GCGR: variants seen among roughly 807,000 people sequenced by gnomAD.
GCGR encodes the protein glucagon receptor.
GCGR carries 41 observed loss-of-function variants against 56.1 expected under a neutral mutation model. The ratio of observed to expected loss-of-function variants is 0.73; its 90% CI spans 0.57 to 0.95. The LOEUF is 0.95. Among genes scored for constraint, GCGR ranks in the 40% least tolerant of loss-of-function variants. The pLI, the probability that GCGR is intolerant of heterozygous loss-of-function variation, is 0.00. For synonymous variants in GCGR, 278 were observed against 271.1 expected, an observed-to-expected ratio of 1.03 and a Z score of -0.25; for missense variants, 595 against 638.2, an observed-to-expected ratio of 0.93 and a Z score of 0.73.
At position 81,811,400 on chromosome 17, in the gene GCGR, A is replaced by C. The variant is rs777028328; in HGVS notation, c.501-4A>C. Reference sequence around the variant, plus strand: ...GGACGGGCGCTGACTGGCTGTGCCCACAGCAAGCTGCACTGCACCCGCAAT... The same window carrying C: ...GGACGGGCGCTGACTGGCTGTGCCCCCAGCAAGCTGCACTGCACCCGCAAT... On this transcript the variant is annotated splice_polypyrimidine_tract_variant and splice_region_variant and intron_variant, in intron 6 of 13. Coordinates refer to ENST00000400723, the MANE Select transcript of GCGR (RefSeq NM_000160.5). This position sits in a 1 kb window ranked among gnomAD's most constrained non-coding sequence, Gnocchi z 5.8. 4.8e-5 allele frequency: 73 copies of C among 1,536,210 alleles called. 2 individuals are homozygous for C. The South Asian group carries it at 6.8e-4, about 14-fold the overall frequency.
chr17:81,809,944 C>T (rs972186244), intron 3 of GCGR, 60 bp downstream of exon 3: 12 of 1,298,872 alleles, frequency 9.2e-6, no homozygotes, highest in Non-Finnish European at 1.2e-5. Context: ...CCTGAGTTCT[C>T]TTCATGGGAA....
rs1269141914 is a variant in GCGR at position 81,811,139 on chromosome 17, G to A, written c.393+8G>A. 6.5e-7 allele frequency: 1 copy of A among 1,536,200 alleles called. No homozygotes were observed. Among genetic ancestry groups the A allele is most frequent in the South Asian group, 1.2e-5 (1 of 84,052 alleles). ...GAGGAGATTGAGGTCCAGGTCAGTG[G>A]GCGGCAGGCAGGCGCGGTGGGGCTG... On this transcript the variant is annotated splice_region_variant and intron_variant, in intron 5 of 13. Transcript: ENST00000400723. This position sits in a 1 kb window ranked among gnomAD's most constrained non-coding sequence, Gnocchi z 5.8.
rs2038016373 is a variant in GCGR, at chr17:81,808,922, C to G, written c.-97C>G. The G allele has an allele frequency of 1.4e-6, 2 of 1,443,390 alleles. No individual in the cohort carries two copies. The highest frequency in any genetic ancestry group is 2.5e-5 in the East Asian group (1 of 40,430). The allele number at this position is 1,443,390 out of a possible 1,614,324, so 89.4% of individuals were successfully genotyped here. A position where few individuals can be genotyped will look rare whatever the true frequency, so the allele number is the denominator to read the frequency against. Reference sequence around the variant, plus strand: ...CCCCAGGCTCTGCTGCTCTGCCACTCAGCTGCCCTCGGAGGAGCGTACACA... The same window carrying G: ...CCCCAGGCTCTGCTGCTCTGCCACTGAGCTGCCCTCGGAGGAGCGTACACA... On this transcript the variant is annotated 5_prime_UTR_variant, in exon 2 of 14. Transcript: ENST00000400723.
Position 81,813,894 on chromosome 17 carries a change from A to T in GCGR, c.*205A>T. On this transcript the variant is annotated 3_prime_UTR_variant, in exon 14 of 14. Transcript: ENST00000400723. The surrounding 1 kb of genome is among the most constrained non-coding windows in gnomAD (Gnocchi z 5.3). ...TCCCTGGTGCAGAGGTGAGCAGAGG[A>T]GTCCAGGGCGGGAGTGGGGGCTGTG... The T allele has an allele frequency of 3.4e-6, 2 of 590,554 alleles. No individual in the cohort carries two copies. 36.6% of individuals were successfully genotyped at this position (590,554 alleles called of 1,614,324 possible).
chr17:81,810,811 A>G lies in GCGR; in HGVS notation c.164-14A>G. The G allele has an allele frequency of 6.5e-7, 1 of 1,535,748 alleles. No individual in the cohort carries two copies. Among genetic ancestry groups the G allele is most frequent in the African/African-American group, 1.4e-5 (1 of 73,006 alleles). ...GCCCTGCCCTGCTCTGCCCTGCCCT[A>G]CCCTACCCTGCAGAGCTGGTGTGCA... On this transcript the variant is annotated splice_polypyrimidine_tract_variant and intron_variant, in intron 3 of 13. Transcript: ENST00000400723. The surrounding 1 kb of genome is among the most constrained non-coding windows in gnomAD (Gnocchi z 4.6).
rs2038121621 is a variant in GCGR at position 81,812,428 on chromosome 17, G to C, written c.949-149G>C. 9.6e-7 allele frequency: 1 copy of C among 1,040,766 alleles called. No homozygotes were observed. The highest frequency in any genetic ancestry group is 1.4e-6 in the Non-Finnish European group (1 of 720,436). 64.5% of individuals were successfully genotyped at this position (1,040,766 alleles called of 1,614,324 possible). A position where few individuals can be genotyped will look rare whatever the true frequency, so the allele number is the denominator to read the frequency against. On this transcript the variant is annotated intron_variant, in intron 10 of 13. Coordinates refer to ENST00000400723, the MANE Select transcript of GCGR (RefSeq NM_000160.5). This position sits in a 1 kb window ranked among gnomAD's most constrained non-coding sequence, Gnocchi z 8.5. ...CACTGAGCCAGGCTGTTCCTCCCTG[G>C]CTGTGTGCCCACCAGCCCCAGGGCT...
rs1373142612 is a variant in GCGR, at chr17:81,810,549, G to A, written c.164-276G>A. Among the ~76,000 whole-genome samples, 1 of 152,126 alleles carries A rather than the reference G, an allele frequency of 6.6e-6. No homozygotes were observed. The highest frequency in any genetic ancestry group is 1.9e-4 in the East Asian group (1 of 5,192). ...GGTTTGGGGCACATTTGAGATGGGGGGTCTCCAAGGGAAGGTGTCCTGCAG... is the reference window on the plus strand; with the variant it reads ...GGTTTGGGGCACATTTGAGATGGGGAGTCTCCAAGGGAAGGTGTCCTGCAG... On this transcript the variant is annotated intron_variant, in intron 3 of 13. Transcript: ENST00000400723. The surrounding 1 kb of genome is among the most constrained non-coding windows in gnomAD (Gnocchi z 4.6).
rs2038155616 is a variant in GCGR at position 81,813,721 on chromosome 17, CTG to C, written c.*33_*34del. Reference sequence around the variant, plus strand: ...CTGGGACCCCAGCTAGGGCTGGACTCTGGCACCCAGAGGGCGTCGCTGGACAA... The same window carrying C: ...CTGGGACCCCAGCTAGGGCTGGACTCGCACCCAGAGGGCGTCGCTGGACAA... On this transcript the variant is annotated 3_prime_UTR_variant, in exon 14 of 14. Transcript: ENST00000400723. This position sits in a 1 kb window ranked among gnomAD's most constrained non-coding sequence, Gnocchi z 5.3. 1 of 1,525,592 alleles carries C rather than the reference CTG, an allele frequency of 6.6e-7. No individual in the cohort carries two copies. Among genetic ancestry groups the C allele is most frequent in the African/African-American group, 1.4e-5 (1 of 72,732 alleles). The allele number at this position is 1,525,592 out of a possible 1,614,324, so 94.5% of individuals were successfully genotyped here. A position where few individuals can be genotyped will look rare whatever the true frequency, so the allele number is the denominator to read the frequency against.
chr17:81,809,219 T>G, intron 2 of GCGR, 141 bp downstream of exon 2: 1 of 1,002,004 alleles, frequency 1.0e-6, no homozygotes, highest in Non-Finnish European at 1.5e-6. Context: ...CATCTGCCTG[T>G]CTGTCTGCCT....
rs2038070940 is a variant in GCGR at position 81,810,548 on chromosome 17, G to T, written c.164-277G>T. 6.6e-6 allele frequency among the ~76,000 whole-genome samples: 1 copy of T among 152,142 alleles called. No individual in the cohort carries two copies. Among genetic ancestry groups the T allele is most frequent in the Non-Finnish European group, 1.5e-5 (1 of 68,012 alleles). On this transcript the variant is annotated intron_variant, in intron 3 of 13. Coordinates refer to ENST00000400723, the MANE Select transcript of GCGR (RefSeq NM_000160.5). The surrounding 1 kb of genome is among the most constrained non-coding windows in gnomAD (Gnocchi z 4.6). ...GGGTTTGGGGCACATTTGAGATGGG[G>T]GGTCTCCAAGGGAAGGTGTCCTGCA...
rs2038075578 is a variant in GCGR, at chr17:81,810,769, G to A, written c.164-56G>A. ...GAGAGGAGAGAGGCCTGCTGAGGGA[G>A]CCCCTTCTCCCACCCTGCCCTGCCC... On this transcript the variant is annotated intron_variant, in intron 3 of 13. Transcript: ENST00000400723. The surrounding 1 kb of genome is among the most constrained non-coding windows in gnomAD (Gnocchi z 4.6). 2.7e-6 allele frequency: 4 copies of A among 1,462,444 alleles called. No individual in the cohort carries two copies. The highest frequency in any genetic ancestry group is 2.8e-5 in the African/African-American group (2 of 71,320). 90.6% of individuals were successfully genotyped at this position (1,462,444 alleles called of 1,614,324 possible).
chr17:81,810,179 G>C lies in GCGR; in HGVS notation c.163+295G>C, dbSNP rs531331425. 3.6e-4 allele frequency: 176 copies of C among 490,612 alleles called. No individual in the cohort carries two copies. Among genetic ancestry groups the C allele is most frequent in the South Asian group, 2.3e-3 (114 of 49,570 alleles). The allele number at this position is 490,612 out of a possible 1,614,324, so 30.4% of individuals were successfully genotyped here. ...GATGGGTAATACCACCTACAGCCCC[G>C]TGGAGTTTTCAGTGGGCAGACAGTG... is the stretch of plus-strand genomic sequence containing the variant. On this transcript the variant is annotated intron_variant, in intron 3 of 13. Transcript: ENST00000400723. The surrounding 1 kb of genome is among the most constrained non-coding windows in gnomAD (Gnocchi z 4.6).
rs1325447916 is a variant in GCGR, at chr17:81,811,285, C to A, written c.457C>A (p.Leu153Met). 6.5e-7 allele frequency: 1 copy of A among 1,536,018 alleles called. No homozygotes were observed. Among genetic ancestry groups the A allele is most frequent in the South Asian group, 1.2e-5 (1 of 84,066 alleles). Reference sequence around the variant, plus strand: ...GTACACAGTGGGCTACAGCCTGTCCCTGGGGGCCCTGCTCCTCGCCTTGGC... The same window carrying A: ...GTACACAGTGGGCTACAGCCTGTCCATGGGGGCCCTGCTCCTCGCCTTGGC... ...VMYTVGYSLS[L>M]GALLLALAIL... The change falls in exon 6 of 14, where the codon CTG (leucine) becomes ATG (methionine). Residue 153 changes from leucine (L) to methionine (M), a missense_variant. Coordinates refer to ENST00000400723, the MANE Select transcript of GCGR (RefSeq NM_000160.5). This position sits in a 1 kb window ranked among gnomAD's most constrained non-coding sequence, Gnocchi z 5.8.
intron 1 of GCGR, among the ~76,000 whole-genome samples, chr17:81,805,983 G>A (rs905446246): frequency 6.6e-6 from 1 of 152,178 alleles, no homozygotes; most frequent in African/African-American, 2.4e-5. Flanking sequence ...AGGGCTGGGT[G>A]AGATCAACAG....
chr17:81,807,124 C>T lies in GCGR; in HGVS notation c.-177-1718C>T, dbSNP rs1164111910. On this transcript the variant is annotated intron_variant, in intron 1 of 13. Transcript: ENST00000400723. ...ATCAGGATCAGGGAAGATAAGGCCCCTTGCGTGACCCCAGAGCTGGGGACG... is the reference window on the plus strand; with the variant it reads ...ATCAGGATCAGGGAAGATAAGGCCCTTTGCGTGACCCCAGAGCTGGGGACG... 4.6e-5 allele frequency among the ~76,000 whole-genome samples: 7 copies of T among 152,282 alleles called. No individual in the cohort carries two copies. The South Asian group carries it at 1.5e-3, about 32-fold the overall frequency.
chr17:81,809,221 TG>T, intron 2 of GCGR, 143 bp downstream of exon 2: 1 of 987,112 alleles, frequency 1.0e-6, no homozygotes, highest in Non-Finnish European at 1.5e-6. Flanking sequence ...TCTGCCTGTC[TG>T]TCTGCCTGTC....
Position 81,813,350 on chromosome 17 carries a change from C to A in GCGR, c.1219-124C>A, listed in dbSNP as rs1405693995. On this transcript the variant is annotated intron_variant, in intron 13 of 13. Transcript: ENST00000400723. This position sits in a 1 kb window ranked among gnomAD's most constrained non-coding sequence, Gnocchi z 5.3. The stretch of plus-strand genomic sequence containing the variant: ...TGGCATAGCTGTGCCCAGCAGGGAG[C>A]TTGTGTCGCTCTGCACCCCTCAGAG... 1.0e-6 allele frequency: 1 copy of A among 982,800 alleles called. No individual in the cohort carries two copies. Among genetic ancestry groups the A allele is most frequent in the Non-Finnish European group, 1.5e-6 (1 of 670,528 alleles). The allele number at this position is 982,800 out of a possible 1,614,324, so 60.9% of individuals were successfully genotyped here.
At position 81,811,195 on chromosome 17, in the gene GCGR, G is replaced by A; in HGVS notation, c.394-27G>A. 5 of 1,536,120 alleles carry A rather than the reference G, an allele frequency of 3.3e-6. No individual in the cohort carries two copies. The highest frequency in any genetic ancestry group is 4.4e-6 in the Non-Finnish European group (5 of 1,146,800). ...GAACGGGCATGGGGGCCCCTGCCTG[G>A]CCCTCACAGGCCACTGTAACTCGCA... On this transcript the variant is annotated intron_variant, in intron 5 of 13. Transcript: ENST00000400723. This position sits in a 1 kb window ranked among gnomAD's most constrained non-coding sequence, Gnocchi z 5.8.
In GCGR at chr17:81,811,456, G is replaced by A. The variant is rs1225544346; in HGVS notation, c.553G>A (p.Val185Met). 9 of 1,536,634 alleles carry A rather than the reference G, an allele frequency of 5.9e-6. No homozygotes were observed. Among genetic ancestry groups the A allele is most frequent in the African/African-American group, 5.5e-5 (4 of 73,158 alleles). Residue 185 changes from valine to methionine, a missense_variant, in exon 7 of 14, where the codon GTG (valine) becomes ATG (methionine). By Grantham distance (21) the Val-to-Met change is conservative. Coordinates refer to ENST00000400723, the MANE Select transcript of GCGR (RefSeq NM_000160.5). This position sits in a 1 kb window ranked among gnomAD's most constrained non-coding sequence, Gnocchi z 5.8. Reference protein sequence around the residue: ...AIHANLFASFVLKASSVLVID... With the variant: ...AIHANLFASFMLKASSVLVID... ...CCACGCGAATCTGTTTGCGTCCTTC[G>A]TGCTGAAAGCCAGCTCCGTGCTGGT...
Sources: gnomAD v4.1 joint callset for allele counts (sites outside exome capture counted in the v4.1 genomes callset) on GRCh38, gnomAD v4.1.1 for gene constraint, Gnocchi (gnomAD v3.1) non-coding constraint, MANE v1.5 for transcripts, NCBI Gene and HGNC (gene_info 2026-07-23, HGNC 2026-07-21) for gene names.